TMEM178B: variants seen among roughly 807,000 people sequenced by gnomAD.
TMEM178B encodes the protein transmembrane protein 178B.
In TMEM178B, 5 loss-of-function variants were observed where a neutral mutation model predicts 31.0. That is an observed-to-expected ratio of 0.16 (90% confidence interval 0.08 to 0.34). TMEM178B has a LOEUF of 0.34. Ranked by LOEUF, TMEM178B falls within the 10% of genes least tolerant of loss-of-function variation. The pLI is 1.00. For missense variants in TMEM178B, 275 were observed against 400.3 expected (o/e 0.69, Z 2.67); for synonymous variants, 164 against 164.0 (o/e 1.00, Z 0.00).
intron 1 of TMEM178B, among the ~76,000 whole-genome samples, chr7:141,147,403 A>G (rs1316541887): frequency 6.6e-6 from 1 of 152,002 alleles, no homozygotes; most frequent in African/African-American, 2.4e-5. Context: ...TAGCAACTTG[A>G]CTTTTATCTC....
chr7:141,444,516 G>T (rs914222261), intron 3 of TMEM178B, among the ~76,000 whole-genome samples: 3 of 152,088 alleles, frequency 2.0e-5, no homozygotes, highest in African/African-American at 7.2e-5. Flanking sequence ...AACAGTCCAA[G>T]GATCTACTTC....
chr7:141,478,251 C>T lies in TMEM178B; in HGVS notation c.*7465C>T, dbSNP rs1440775478. 6.6e-6 allele frequency: 1 copy of T among 152,604 alleles called. No homozygotes were observed. The highest frequency in any genetic ancestry group is 1.5e-5 in the Non-Finnish European group (1 of 68,280). The allele number at this position is 152,604 out of a possible 1,614,324, so 9.5% of individuals were successfully genotyped here. A position where few individuals can be genotyped will look rare whatever the true frequency, so the allele number is the denominator to read the frequency against. ...CCTCAGCAAGGCAGCAGAGAAGGAT[C>T]CTCAAAGCAGTAACCCTGAAGTAAT... On this transcript the variant is annotated 3_prime_UTR_variant, in exon 4 of 4. Coordinates refer to ENST00000565468, the MANE Select transcript of TMEM178B (RefSeq NM_001195278.2).
At chr7:141,182,498 A>G (rs1359039319) in intron 1 of TMEM178B, among the ~76,000 whole-genome samples, 1 of 152,234 alleles carries the variant, frequency 6.6e-6, no homozygotes, top group African/African-American at 2.4e-5. Flanking sequence ...TAAAGCCTCA[A>G]ACAGTCCAGT....
chr7:141,509,416 G>A, the TMEM178B span, among the ~76,000 whole-genome samples: 14 of 152,252 alleles, frequency 9.2e-5, no homozygotes, highest in Middle Eastern at 3.4e-3. Context: ...TTGGGAGGCC[G>A]AGGCAGGAGG....
chr7:141,355,079 G>A (rs1256878794), intron 2 of TMEM178B, among the ~76,000 whole-genome samples: 1 of 152,138 alleles, frequency 6.6e-6, no homozygotes, highest in East Asian at 1.9e-4. Context: ...CCTCCACCAG[G>A]CTCTCTGCTG....
chr7:141,202,528 G>T (rs1315260940), intron 1 of TMEM178B, among the ~76,000 whole-genome samples: 2 of 152,262 alleles, frequency 1.3e-5, no homozygotes, highest in East Asian at 3.9e-4. Flanking sequence ...ACATTAAAAG[G>T]CCACATTGAT....
chr7:141,266,122 T>A (rs1467523298), intron 2 of TMEM178B, among the ~76,000 whole-genome samples: 2 of 152,210 alleles, frequency 1.3e-5, no homozygotes, highest in African/African-American at 4.8e-5. Flanking sequence ...GGAGAGACAA[T>A]GTCTCTTAAA....
chr7:141,190,672 CAT>C (rs2129184934), intron 1 of TMEM178B, among the ~76,000 whole-genome samples: 1 of 152,166 alleles, frequency 6.6e-6, no homozygotes, highest in East Asian at 1.9e-4. Context: ...GGGCACTTGA[CAT>C]ATGGTTTCTA....
the TMEM178B span, among the ~76,000 whole-genome samples, chr7:141,508,780 G>T: frequency 6.6e-6 from 1 of 152,118 alleles, no homozygotes; most frequent in African/African-American, 2.4e-5. Context: ...GGAAAGACTG[G>T]CCCCATGATT....
chr7:141,186,944 T>G (rs1045138820), intron 1 of TMEM178B, among the ~76,000 whole-genome samples: 1 of 152,248 alleles, frequency 6.6e-6, no homozygotes, highest in South Asian at 2.1e-4. Context: ...TTTTTAAAAA[T>G]TTTATTATTA....
intron 2 of TMEM178B, among the ~76,000 whole-genome samples, chr7:141,329,165 C>T (rs1167668851): frequency 1.3e-5 from 2 of 152,130 alleles, no homozygotes; most frequent in South Asian, 2.1e-4. Flanking sequence ...TTCCCTCCAG[C>T]GTCCAACCTG....
chr7:141,403,178 T>C (rs1800816592), intron 2 of TMEM178B, among the ~76,000 whole-genome samples: 2 of 152,194 alleles, frequency 1.3e-5, no homozygotes, highest in Admixed American at 6.5e-5. Flanking sequence ...CTACAGGCTC[T>C]CCGGAGAGGT....
At chr7:141,396,392 A>T (rs546406762) in intron 2 of TMEM178B, among the ~76,000 whole-genome samples, 1 of 152,240 alleles carries the variant, frequency 6.6e-6, no homozygotes, top group Admixed American at 6.5e-5. Context: ...CCTTTTTCCC[A>T]AAGGCGCCCC....
the TMEM178B span, among the ~76,000 whole-genome samples, chr7:141,489,615 A>T: frequency 6.6e-6 from 1 of 150,998 alleles, no homozygotes; most frequent in African/African-American, 2.4e-5. Context: ...TTCTCTCCCC[A>T]GTCCCTTCAT....
rs532910241 is a variant in TMEM178B, at chr7:141,367,574, C to A, written c.497-70034C>A. Among the ~76,000 whole-genome samples the A allele has an allele frequency of 2.6e-5, 4 of 152,282 alleles. No individual in the cohort carries two copies. In the South Asian group the frequency reaches 6.2e-4, roughly 24 times the overall value. On this transcript the variant is annotated intron_variant, in intron 2 of 3. Coordinates refer to ENST00000565468, the MANE Select transcript of TMEM178B (RefSeq NM_001195278.2). Reference sequence around the variant, plus strand: ...AGCCACTGCGCCCAGCTGACAATTACCCTTTGAGCTCCTGTTAGGACCCAG... The same window carrying A: ...AGCCACTGCGCCCAGCTGACAATTAACCTTTGAGCTCCTGTTAGGACCCAG...
At chr7:141,242,953 T>C (rs1188843920) in intron 2 of TMEM178B, among the ~76,000 whole-genome samples, 1 of 152,164 alleles carries the variant, frequency 6.6e-6, no homozygotes, top group Non-Finnish European at 1.5e-5. Context: ...ATCTACCTTT[T>C]TTTCTTCCTC....
chr7:141,411,013 A>G lies in TMEM178B; in HGVS notation c.497-26595A>G, dbSNP rs556108067. 4.5e-3 allele frequency among the ~76,000 whole-genome samples: 689 copies of G among 152,236 alleles called. 3 individuals are homozygous for G. The highest frequency in any genetic ancestry group is 7.0e-3 in the Non-Finnish European group (476 of 67,994). On this transcript the variant is annotated intron_variant, in intron 2 of 3. Coordinates refer to ENST00000565468, the MANE Select transcript of TMEM178B (RefSeq NM_001195278.2). ...TTAAGGCATATGAGTGGTTGAATGCATAGAGAAATTAGAATGGTGTTCATG... is the reference window on the plus strand; with the variant it reads ...TTAAGGCATATGAGTGGTTGAATGCGTAGAGAAATTAGAATGGTGTTCATG...
chr7:141,111,338 TC>T (rs1214810771), intron 1 of TMEM178B, among the ~76,000 whole-genome samples: 2 of 152,050 alleles, frequency 1.3e-5, no homozygotes, highest in Non-Finnish European at 2.9e-5. Context: ...TCCCACTGGG[TC>T]CCTCCCATGA....
chr7:141,344,578 T>TCCTCCCTCCTCCCTTCCTC lies in TMEM178B; in HGVS notation c.497-93027_497-93026insCCCTCCTCCCTTCCTCCCT, dbSNP rs768031258. ...CTCCCTCCATTCCTCCCTCCTCCCT[T>TCCTCCCTCCTCCCTTCCTC]CCTTCCTTCCTTCCTTCCTTCCTTC... is the stretch of plus-strand genomic sequence containing the variant. On this transcript the variant is annotated intron_variant, in intron 2 of 3. Coordinates refer to ENST00000565468, the MANE Select transcript of TMEM178B (RefSeq NM_001195278.2). The surrounding 1 kb of genome is among the most constrained non-coding windows in gnomAD (Gnocchi z 4.1). Among the ~76,000 whole-genome samples, 1 of 18,610 alleles carries TCCTCCCTCCTCCCTTCCTC rather than the reference T, an allele frequency of 5.4e-5. No homozygotes were observed. Among genetic ancestry groups the TCCTCCCTCCTCCCTTCCTC allele is most frequent in the Non-Finnish European group, 1.2e-4 (1 of 8,624 alleles). 12.2% of individuals were successfully genotyped at this position (18,610 alleles called of 152,430 possible).
Sources: allele counts gnomAD v4.1 joint callset (sites outside exome capture counted in the v4.1 genomes callset), GRCh38; gene constraint gnomAD v4.1.1; non-coding constraint Gnocchi (gnomAD v3.1); transcripts MANE v1.5; gene names NCBI Gene and HGNC (gene_info 2026-07-23, HGNC 2026-07-21).